The following FLI1 variants were observed in gnomAD, a reference collection of about 807,000 sequenced individuals.
FLI1 encodes Fli-1 proto-oncogene, ETS transcription factor.
Under a neutral mutation model 53.1 loss-of-function variants are expected in FLI1, and 13 were observed. The ratio of observed to expected loss-of-function variants is 0.24; its 90% CI spans 0.16 to 0.39. The LOEUF (loss-of-function observed/expected upper bound fraction) is 0.39. Ranked by LOEUF, FLI1 falls within the 10% of genes least tolerant of loss-of-function variation. The pLI, the probability that FLI1 is intolerant of heterozygous loss-of-function variation, is 1.00. For missense variants in FLI1, 424 were observed against 600.5 expected, an observed-to-expected ratio of 0.71 and a Z score of 3.07; for synonymous variants, 244 against 236.7, an observed-to-expected ratio of 1.03 and a Z score of -0.28.
intron 1 of FLI1, among the ~76,000 whole-genome samples, chr11:128,739,181 G>C (rs897670390): frequency 5.3e-5 from 8 of 152,066 alleles, no homozygotes; most frequent in Non-Finnish European, 1.2e-4. Flanking sequence ...ACTCCTCCCC[G>C]GGGCTTCAGC....
At chr11:128,754,004 A>C (rs540954382) in intron 1 of FLI1, among the ~76,000 whole-genome samples, 1 of 152,258 alleles carries the variant, frequency 6.6e-6, no homozygotes, top group Non-Finnish European at 1.5e-5. Context: ...TTGGGTCTCA[A>C]ATCAGCTTGT....
intron 1 of FLI1, among the ~76,000 whole-genome samples, chr11:128,725,639 TCTCTCTCC>T (rs1245672131): frequency 1.1e-4 from 6 of 53,294 alleles, no homozygotes; most frequent in African/African-American, 4.7e-4. Context: ...TTTCTTTCAT[TCTCTCTCC>T]CTCTCTCTCT....
intron 1 of FLI1, among the ~76,000 whole-genome samples, chr11:128,701,838 C>G (rs888623362): frequency 6.6e-6 from 1 of 152,178 alleles, no homozygotes; most frequent in Non-Finnish European, 1.5e-5. Context: ...GCCATGGGAG[C>G]TTTAACCTCG....
chr11:128,697,112 C>T (rs750984789), intron 1 of FLI1, among the ~76,000 whole-genome samples: 5 of 152,176 alleles, frequency 3.3e-5, no homozygotes, highest in African/African-American at 7.2e-5. Context: ...AAACAACACC[C>T]GACCCACGCC....
chr11:128,695,144 C>T (rs1199462219), intron 1 of FLI1, among the ~76,000 whole-genome samples: 1 of 152,220 alleles, frequency 6.6e-6, no homozygotes, highest in Non-Finnish European at 1.5e-5. Context: ...CGCGCCCGCC[C>T]GGCCATTCCC....
chr11:128,693,364 A>C (rs1438727307), upstream of FLI1: 1 of 152,494 alleles, frequency 6.6e-6, no homozygotes, highest in Non-Finnish European at 1.5e-5. Flanking sequence ...CCGCTCTGGG[A>C]GTCTGCCGCG....
chr11:128,740,423 T>C (rs1159539454), intron 1 of FLI1, among the ~76,000 whole-genome samples: 1 of 152,236 alleles, frequency 6.6e-6, no homozygotes. Flanking sequence ...CCTTAAACAC[T>C]GTTGGCTCGC....
intron 1 of FLI1, among the ~76,000 whole-genome samples, chr11:128,719,664 G>A (rs1187036786): frequency 6.6e-6 from 1 of 152,086 alleles, no homozygotes; most frequent in Non-Finnish European, 1.5e-5. Context: ...CATGTTTCTG[G>A]GGCCTCATTT....
chr11:128,749,208 C>A (rs1043619366), intron 1 of FLI1, among the ~76,000 whole-genome samples: 1 of 152,232 alleles, frequency 6.6e-6, no homozygotes, highest in South Asian at 2.1e-4. Flanking sequence ...AGACAGTCAC[C>A]TCTACAGCCT....
At chr11:128,748,951 T>G (rs1423516247) in intron 1 of FLI1, among the ~76,000 whole-genome samples, 1 of 152,260 alleles carries the variant, frequency 6.6e-6, no homozygotes, top group Non-Finnish European at 1.5e-5. Context: ...ACATGTTCTA[T>G]TTGATCGTTC....
At chr11:128,731,053 T>A (rs1591760899) in intron 1 of FLI1, among the ~76,000 whole-genome samples, 1 of 152,366 alleles carries the variant, frequency 6.6e-6, no homozygotes, top group South Asian at 2.1e-4. Context: ...CCTCTCCCCG[T>A]GAAAGAAGTT....
At chr11:128,764,741 G>T (rs780630256) in intron 2 of FLI1, 3 of 1,579,288 alleles carry the variant, frequency 1.9e-6, no homozygotes, top group Non-Finnish European at 1.7e-6. Context: ...ATGGCCGCAC[G>T]CAGGGCTTGC....
chr11:128,755,798 C>A (rs1940834555), intron 1 of FLI1, among the ~76,000 whole-genome samples: 1 of 152,182 alleles, frequency 6.6e-6, no homozygotes, highest in African/African-American at 2.4e-5. Flanking sequence ...ATTGTGTGGG[C>A]AACTCTGCTT....
At chr11:128,807,125 G>A in intron 6 of FLI1, 55 bp from the exon 7 acceptor site, 5 of 1,180,752 alleles carry the variant, frequency 4.2e-6, no homozygotes, top group Non-Finnish European at 4.8e-6. Flanking sequence ...AAGACGTCTT[G>A]CTCCCCTCGG....
At chr11:128,743,535 G>A (rs1296214826) in intron 1 of FLI1, among the ~76,000 whole-genome samples, 1 of 152,124 alleles carries the variant, frequency 6.6e-6, no homozygotes, top group African/African-American at 2.4e-5. Flanking sequence ...CTCAGGGCAT[G>A]TCCACCTGGT....
chr11:128,804,848 A>C (rs2135914189), intron 5 of FLI1: 1 of 152,310 alleles, frequency 6.6e-6, no homozygotes, highest in East Asian at 1.9e-4. Context: ...CCTTTCACCC[A>C]ATCCAGACCT....
intron 2 of FLI1, chr11:128,764,571 C>A: frequency 7.8e-7 from 1 of 1,288,750 alleles, no homozygotes; most frequent in Non-Finnish European, 1.1e-6. Flanking sequence ...TACAAATTAG[C>A]AGCAGTGCAG....
chr11:128,774,323 C>T (rs1941669034), intron 4 of FLI1, among the ~76,000 whole-genome samples: 4 of 152,182 alleles, frequency 2.6e-5, no homozygotes, highest in Admixed American at 1.3e-4. Context: ...GGAGCAATTA[C>T]CTCATGTCTG....
chr11:128,790,096 G>GTGTGTGTGCA (rs1565501698), intron 5 of FLI1, among the ~76,000 whole-genome samples: 1 of 151,184 alleles, frequency 6.6e-6, no homozygotes, highest in Non-Finnish European at 1.5e-5. Flanking sequence ...GTGTGTGTGT[G>GTGTGTGTGCA]CACGCGTGCT....
Sources: gnomAD v4.1 joint callset for allele counts (sites outside exome capture counted in the v4.1 genomes callset) on GRCh38, gnomAD v4.1.1 for gene constraint, MANE v1.5 for transcripts, NCBI Gene and HGNC (gene_info 2026-07-23, HGNC 2026-07-21) for gene names.